Variants in RAB27B observed in about 807,000 individuals in gnomAD.
RAB27B encodes ras-related protein Rab-27B.
A neutral mutation model predicts 24.6 loss-of-function variants in RAB27B; 15 were observed. The observed-to-expected ratio is 0.61, with a 90% CI of 0.41 to 0.94. The LOEUF (loss-of-function observed/expected upper bound fraction) is 0.94. Among genes scored for constraint, RAB27B ranks in the 40% least tolerant of loss-of-function variants. The pLI is 0.00. For missense variants in RAB27B, 261 were observed against 266.8 expected, an observed-to-expected ratio of 0.98 and a Z score of 0.15; for synonymous variants, 105 against 92.5, an observed-to-expected ratio of 1.14 and a Z score of -0.78.
intron 2 of RAB27B, among the ~76,000 whole-genome samples, chr18:54,755,766 G>A (rs1907985904): frequency 6.6e-6 from 1 of 152,168 alleles, no homozygotes; most frequent in South Asian, 2.1e-4. Flanking sequence ...AATAGCAAAT[G>A]CCCCTGTTTT....
intron 2 of RAB27B, chr18:54,744,811 G>A (rs1162266722): frequency 1.0e-5 from 2 of 195,112 alleles, no homozygotes; most frequent in East Asian, 2.7e-4. Context: ...TCTTGCAGCA[G>A]GAACTCACTT....
At chr18:54,831,631 C>T (rs560165786) in intron 1 of RAB27B, among the ~76,000 whole-genome samples, 215 of 151,908 alleles carry the variant, frequency 1.4e-3, no homozygotes, top group Non-Finnish European at 2.4e-3. Context: ...TGGAAAGAGA[C>T]GGATAAGTAA....
At chr18:54,853,395 G>T (rs1394607252) in intron 1 of RAB27B, among the ~76,000 whole-genome samples, 2 of 152,144 alleles carry the variant, frequency 1.3e-5, no homozygotes, top group African/African-American at 4.8e-5. Flanking sequence ...GAGAGAACTT[G>T]ATGCCTGGCA....
At chr18:54,795,699 G>A (rs1273782743) in intron 2 of RAB27B, among the ~76,000 whole-genome samples, 1 of 152,056 alleles carries the variant, frequency 6.6e-6, no homozygotes, top group African/African-American at 2.4e-5. Flanking sequence ...TAAGTTTCAA[G>A]CTTTAAAACC....
chr18:54,777,866 C>A (rs904816280), intron 2 of RAB27B, among the ~76,000 whole-genome samples: 3 of 151,792 alleles, frequency 2.0e-5, no homozygotes, highest in African/African-American at 4.8e-5. Flanking sequence ...TCTCTCCCCC[C>A]CCACCCCTTC....
chr18:54,849,370 T>C (rs1911463535), intron 1 of RAB27B, among the ~76,000 whole-genome samples: 1 of 152,226 alleles, frequency 6.6e-6, no homozygotes, highest in South Asian at 2.1e-4. Context: ...TAGCTTTCTA[T>C]TGCCATTTCC....
chr18:54,785,776 A>G (rs551686977), intron 2 of RAB27B, among the ~76,000 whole-genome samples: 1 of 152,314 alleles, frequency 6.6e-6, no homozygotes, highest in South Asian at 2.1e-4. Flanking sequence ...CCTAAGGATA[A>G]GGAGAAAATG....
intron 2 of RAB27B, among the ~76,000 whole-genome samples, chr18:54,728,903 CAAAAAA>C (rs58878407): frequency 2.9e-5 from 2 of 68,270 alleles, no homozygotes; most frequent in East Asian, 9.7e-4. Flanking sequence ...AAAAAAAACC[CAAAAAA>C]AAAAAAAAAA....
At chr18:54,792,628 C>A (rs930259396) in intron 2 of RAB27B, among the ~76,000 whole-genome samples, 16 of 152,242 alleles carry the variant, frequency 1.1e-4, no homozygotes, top group African/African-American at 3.9e-4. Context: ...TTTGTTTCCT[C>A]TAGTTATTAC....
At chr18:54,820,354 A>C (rs938103751) in intron 2 of RAB27B, among the ~76,000 whole-genome samples, 3 of 151,988 alleles carry the variant, frequency 2.0e-5, no homozygotes, top group African/African-American at 7.3e-5. Flanking sequence ...TTTGATTTGC[A>C]TTTCTCTGAT....
At chr18:54,779,052 A>G (rs1015089518) in intron 2 of RAB27B, among the ~76,000 whole-genome samples, 1 of 152,004 alleles carries the variant, frequency 6.6e-6, no homozygotes, top group Non-Finnish European at 1.5e-5. Context: ...GTTGGCCAGG[A>G]TGGTCTCAAT....
chr18:54,749,337 C>A (rs944596859), intron 2 of RAB27B, among the ~76,000 whole-genome samples: 3 of 152,132 alleles, frequency 2.0e-5, no homozygotes, highest in Admixed American at 2.0e-4. Flanking sequence ...TCAAAGCACT[C>A]GCATGCTGAA....
rs1471742623 is a variant in RAB27B, at chr18:54,893,109, G to A, written c.*3696G>A. 1 of 151,998 alleles carries A rather than the reference G, an allele frequency of 6.6e-6. No individual in the cohort carries two copies. The allele number at this position is 151,998 out of a possible 1,614,324, so 9.4% of individuals were successfully genotyped here. A position where few individuals can be genotyped will look rare whatever the true frequency, so the allele number is the denominator to read the frequency against. ...AATATTGTGCAACTGGTGCAGTGGT[G>A]AGTTAATCATAGTGTATAACCTTGT... is the stretch of plus-strand genomic sequence containing the variant. On this transcript the variant is annotated 3_prime_UTR_variant, in exon 6 of 6. Coordinates refer to ENST00000262094, the MANE Select transcript of RAB27B (RefSeq NM_004163.4).
chr18:54,802,310 C>A (rs1909635810), intron 2 of RAB27B, among the ~76,000 whole-genome samples: 1 of 152,182 alleles, frequency 6.6e-6, no homozygotes, highest in African/African-American at 2.4e-5. Context: ...TGTTCCTTTG[C>A]TTTGGACAAT....
In RAB27B at chr18:54,732,282, A is replaced by G. The variant is rs76419365; in HGVS notation, c.-20+14141A>G. ...ACAATGAAAAGATTTGGTGTATTCC[A>G]GGTCTGAGTTCTTTTCAGAATGTTC... On this transcript the variant is annotated intron_variant, in intron 2 of 4. Coordinates refer to the RAB27B transcript ENST00000586570. Among the ~76,000 whole-genome samples, 458 of 152,330 alleles carry G rather than the reference A, an allele frequency of 3.0e-3. 7 individuals are homozygous for G. The highest frequency in any genetic ancestry group is 0.011 in the African/African-American group (445 of 41,578).
intron 2 of RAB27B, 25 bp from the exon 3 acceptor site, chr18:54,879,343 CA>C: frequency 6.4e-7 from 1 of 1,573,890 alleles, no homozygotes; most frequent in East Asian, 2.2e-5. Flanking sequence ...AAAGCAACCT[CA>C]ACTAATGAAC....
At chr18:54,846,792 A>G (rs1285250597) in intron 1 of RAB27B, among the ~76,000 whole-genome samples, 1 of 152,212 alleles carries the variant, frequency 6.6e-6, no homozygotes, top group Admixed American at 6.5e-5. Flanking sequence ...CATAATGGCA[A>G]TGTTTCTCAT....
chr18:54,864,809 A>G (rs1912146847), intron 1 of RAB27B, among the ~76,000 whole-genome samples: 1 of 152,126 alleles, frequency 6.6e-6, no homozygotes, highest in Admixed American at 6.6e-5. Context: ...GTAACTTTGC[A>G]GTAAGTTTTG....
intron 2 of RAB27B, among the ~76,000 whole-genome samples, chr18:54,803,090 A>G (rs1909661141): frequency 6.6e-6 from 1 of 152,246 alleles, no homozygotes; most frequent in Non-Finnish European, 1.5e-5. Flanking sequence ...TTATGAATGT[A>G]TATCTAGAAG....
Sources: allele counts gnomAD v4.1 joint callset (sites outside exome capture counted in the v4.1 genomes callset), GRCh38; gene constraint gnomAD v4.1.1; transcripts MANE v1.5; gene names NCBI Gene and HGNC (gene_info 2026-07-23, HGNC 2026-07-21).